Variants in PDZD2 observed in about 807,000 individuals in gnomAD.
PDZD2 encodes the protein PDZ domain containing 2, also known as PDZ domain-containing protein 2.
In PDZD2, 90 loss-of-function variants were observed where a neutral mutation model predicts 220.7. That is an observed-to-expected ratio of 0.41 (90% CI 0.34 to 0.49). PDZD2 has a LOEUF of 0.49. Ranked by LOEUF, PDZD2 falls within the 20% of genes least tolerant of loss-of-function variation. The pLI is 0.28. For missense variants in PDZD2, 3,174 were observed against 3,608.5 expected (o/e 0.88, Z 3.08); for synonymous variants, 1,375 against 1,450.5 (o/e 0.95, Z 1.18).
chr5:31,785,849 T>C (rs1041085054), intron 1 of PDZD2, among the ~76,000 whole-genome samples: 96 of 152,192 alleles, frequency 6.3e-4, no homozygotes, highest in African/African-American at 2.2e-3. Flanking sequence ...TCGGTGGTTT[T>C]CGTCCTAGTT....
chr5:31,925,551 G>T (rs1013537944), intron 2 of PDZD2, among the ~76,000 whole-genome samples: 2 of 151,990 alleles, frequency 1.3e-5, no homozygotes, highest in African/African-American at 4.8e-5. Flanking sequence ...CATCGGCCTT[G>T]GAAAAGAATT....
rs79056689 is a variant in PDZD2, at chr5:31,975,084, A to G, written c.477-8071A>G. 1.9e-3 allele frequency among the ~76,000 whole-genome samples: 293 copies of G among 152,348 alleles called. 10 individuals carry two copies. The highest frequency in any genetic ancestry group is 0.018 in the East Asian group (95 of 5,188). ...CCAATTTAAATTTTGTGATAACAAT[A>G]ATTAAATGTACACATTTTGTAATGA... On this transcript the variant is annotated intron_variant, in intron 2 of 24. Transcript: ENST00000438447.
At chr5:31,871,119 A>G (rs1444849643) in intron 2 of PDZD2, among the ~76,000 whole-genome samples, 2 of 152,214 alleles carry the variant, frequency 1.3e-5, no homozygotes, top group African/African-American at 4.8e-5. Context: ...TAATGTTTAC[A>G]TATTCATGTA....
chr5:31,899,434 G>T (rs1430983562), intron 2 of PDZD2, among the ~76,000 whole-genome samples: 2 of 152,086 alleles, frequency 1.3e-5, no homozygotes, highest in African/African-American at 4.8e-5. Context: ...CGCCGGGCTG[G>T]AGCCTCTCTT....
chr5:31,993,290 C>G (rs892019954), intron 3 of PDZD2, among the ~76,000 whole-genome samples: 3 of 152,188 alleles, frequency 2.0e-5, no homozygotes, highest in African/African-American at 4.8e-5. Context: ...TTTGGCCAGA[C>G]AGGCTTCATT....
intron 1 of PDZD2, among the ~76,000 whole-genome samples, chr5:31,780,875 A>G (rs1472556709): frequency 2.0e-5 from 3 of 152,180 alleles, no homozygotes; most frequent in African/African-American, 7.2e-5. Flanking sequence ...CTGAGAGCTG[A>G]TAACATCCAG....
At chr5:31,847,190 G>GGGGACATCTGATAAGAAGCCCA (rs1757631171) in intron 2 of PDZD2, 1 of 169,748 alleles carries the variant, frequency 5.9e-6, no homozygotes, top group East Asian at 1.7e-4. Context: ...AAGGCTCTTT[G>GGGGACATCTGATAAGAAGCCCA]GGGACATCTG....
At chr5:31,743,388 G>C (rs1750387708) in intron 1 of PDZD2, among the ~76,000 whole-genome samples, 1 of 151,750 alleles carries the variant, frequency 6.6e-6, no homozygotes, top group Non-Finnish European at 1.5e-5. Context: ...GTTGCCCAGG[G>C]CTCAAGCGAT....
chr5:31,707,660 C>T (rs1329644377), intron 1 of PDZD2, among the ~76,000 whole-genome samples: 4 of 152,162 alleles, frequency 2.6e-5, no homozygotes, highest in Non-Finnish European at 5.9e-5. Context: ...CGGGGCCTCA[C>T]TCTGTTGCCC....
intron 1 of PDZD2, among the ~76,000 whole-genome samples, chr5:31,647,080 G>A (rs1037233648): frequency 1.5e-4 from 23 of 152,276 alleles, no homozygotes; most frequent in African/African-American, 4.3e-4. Flanking sequence ...GCACCTGGGA[G>A]ATGCACACGG....
intron 2 of PDZD2, among the ~76,000 whole-genome samples, chr5:31,881,033 C>T (rs574338799): frequency 1.3e-5 from 2 of 151,884 alleles, no homozygotes; most frequent in Non-Finnish European, 2.9e-5. Flanking sequence ...AACTCCTGAC[C>T]TTGTGATACG....
intron 1 of PDZD2, among the ~76,000 whole-genome samples, chr5:31,665,421 A>C (rs577589670): frequency 6.6e-6 from 1 of 152,126 alleles, no homozygotes; most frequent in East Asian, 1.9e-4. Flanking sequence ...TCTTTTATGG[A>C]GGCAAAGAAA....
chr5:31,965,897 C>CA lies in PDZD2; in HGVS notation c.477-17249dup, dbSNP rs371820361. Among the ~76,000 whole-genome samples, 13 of 148,934 alleles carry CA rather than the reference C, an allele frequency of 8.7e-5. 1 individual carries two copies. Among genetic ancestry groups the CA allele is most frequent in the East Asian group, 7.9e-4 (4 of 5,070 alleles). ...CTGGGCAAGAGTGAAACTCCGTCTC[C>CA]AAAAAAAAACACCAACCAAAACACT... is the stretch of plus-strand genomic sequence containing the variant. On this transcript the variant is annotated intron_variant, in intron 2 of 24. Coordinates refer to ENST00000438447, the MANE Select transcript of PDZD2 (RefSeq NM_178140.4).
rs1330503647 is a variant in PDZD2 at position 31,799,479 on chromosome 5, G to A, written c.231G>A (p.Leu77=). ...EICTVYLTKE[L]GDTETVGLSF... ...GTACTGTGTACCTCACCAAGGAGCT[G>A]GGGGACACAGAGACTGTGGGCCTGA... is the stretch of plus-strand genomic sequence containing the variant. The change falls in exon 2 of 25, where the codon CTG becomes CTA. Residue 77 remains leucine (L), a synonymous_variant. Coordinates refer to ENST00000438447, the MANE Select transcript of PDZD2 (RefSeq NM_178140.4). 1.9e-6 allele frequency: 3 copies of A among 1,614,192 alleles called. No individual in the cohort carries two copies. Among genetic ancestry groups the A allele is most frequent in the Middle Eastern group, 1.6e-4 (1 of 6,062 alleles).
chr5:31,791,362 G>A (rs1162112548), intron 1 of PDZD2, among the ~76,000 whole-genome samples: 4 of 151,960 alleles, frequency 2.6e-5, no homozygotes, highest in South Asian at 2.1e-4. Flanking sequence ...AGGCCGACGC[G>A]GGCAGATCAC....
chr5:31,739,145 C>T (rs1750091703), intron 1 of PDZD2, among the ~76,000 whole-genome samples: 1 of 152,156 alleles, frequency 6.6e-6, no homozygotes, highest in South Asian at 2.1e-4. Context: ...CTTGGCCTCC[C>T]AATGTGCTGG....
At chr5:31,919,577 C>T (rs1027428101) in intron 2 of PDZD2, among the ~76,000 whole-genome samples, 25 of 151,938 alleles carry the variant, frequency 1.6e-4, no homozygotes, top group African/African-American at 6.0e-4. Context: ...AAACTCCTGA[C>T]CTCAGGTGAT....
At chr5:31,698,959 G>A (rs16899793) in intron 1 of PDZD2, among the ~76,000 whole-genome samples, 7 of 151,948 alleles carry the variant, frequency 4.6e-5, no homozygotes, top group African/African-American at 7.3e-5. Flanking sequence ...TTTCTATTCC[G>A]TCAGCAGTGG....
intron 2 of PDZD2, chr5:31,923,481 G>A (rs1744467537): frequency 2.1e-6 from 2 of 974,784 alleles, no homozygotes; most frequent in Admixed American, 1.7e-5. Context: ...ATTTAAGAGG[G>A]GTGCAGATCC....
Sources: allele counts gnomAD v4.1 joint callset (sites outside exome capture counted in the v4.1 genomes callset), GRCh38; gene constraint gnomAD v4.1.1; transcripts MANE v1.5; gene names NCBI Gene and HGNC (gene_info 2026-07-23, HGNC 2026-07-21).